The following SETBP1 variants were observed in gnomAD, a reference collection of about 807,000 sequenced individuals.
SETBP1 encodes the protein SET binding protein 1, also known as SET-binding protein.
SETBP1 carries 9 observed loss-of-function variants against 101.0 expected under a neutral mutation model. That is an observed-to-expected ratio of 0.09 (90% CI 0.05 to 0.16). The LOEUF (loss-of-function observed/expected upper bound fraction) is 0.16. Among genes scored for constraint, SETBP1 ranks in the 10% least tolerant of loss-of-function variants. SETBP1 has a pLI of 1.00. For synonymous variants in SETBP1, 818 were observed against 788.5 expected (o/e 1.04, Z -0.63); for missense variants, 1,858 against 2,033.8 (o/e 0.91, Z 1.66).
chr18:45,028,949 C>G lies in SETBP1; in HGVS notation c.4001-9536C>G, dbSNP rs1221404966. Among the ~76,000 whole-genome samples, 4 of 152,092 alleles carry G rather than the reference C, an allele frequency of 2.6e-5. No individual in the cohort carries two copies. The South Asian group carries it at 8.3e-4, about 32-fold the overall frequency. ...TGAGTAAGTTGCGAAAATTTTCTCC[C>G]ATTTTGTAGGTTGCCTGTTCACTCT... is the stretch of plus-strand genomic sequence containing the variant. On this transcript the variant is annotated intron_variant, in intron 4 of 5. Transcript: ENST00000649279.
At chr18:44,718,592 C>G (rs1568107222) in intron 2 of SETBP1, among the ~76,000 whole-genome samples, 1 of 152,202 alleles carries the variant, frequency 6.6e-6, no homozygotes, top group East Asian at 1.9e-4. Context: ...CATTTATTCA[C>G]TCATTCAACC....
chr18:44,983,051 A>G (rs1429910427), intron 4 of SETBP1, among the ~76,000 whole-genome samples: 1 of 152,044 alleles, frequency 6.6e-6, no homozygotes, highest in African/African-American at 2.4e-5. Context: ...TTTCCTGTGG[A>G]CCCTCAACCT....
chr18:44,741,386 C>A (rs2070093616), intron 2 of SETBP1, among the ~76,000 whole-genome samples: 1 of 152,140 alleles, frequency 6.6e-6, no homozygotes, highest in Non-Finnish European at 1.5e-5. Context: ...TAACTATTTC[C>A]TATCTCTTCC....
intron 3 of SETBP1, among the ~76,000 whole-genome samples, chr18:44,944,300 C>T (rs905240613): frequency 6.6e-6 from 1 of 152,154 alleles, no homozygotes; most frequent in African/African-American, 2.4e-5. Context: ...TATATCCTAA[C>T]AGGCCTATGG....
intron 2 of SETBP1, among the ~76,000 whole-genome samples, chr18:44,829,315 T>C (rs1266320312): frequency 6.6e-6 from 1 of 152,228 alleles, no homozygotes; most frequent in Non-Finnish European, 1.5e-5. Flanking sequence ...CCTATTGCAT[T>C]GACGCCTGTG....
chr18:44,731,095 C>T (rs1359241708), intron 2 of SETBP1, among the ~76,000 whole-genome samples: 1 of 152,084 alleles, frequency 6.6e-6, no homozygotes, highest in African/African-American at 2.4e-5. Context: ...GCTGGGGCTG[C>T]CTGGGTTCCA....
chr18:44,968,241 C>T (rs897636173), intron 4 of SETBP1, among the ~76,000 whole-genome samples: 1 of 152,086 alleles, frequency 6.6e-6, no homozygotes, highest in Non-Finnish European at 1.5e-5. Context: ...TGCACTTATT[C>T]ATTCATCATA....
chr18:45,048,021 A>G (rs887392682), intron 5 of SETBP1, among the ~76,000 whole-genome samples: 5 of 152,216 alleles, frequency 3.3e-5, no homozygotes, highest in Non-Finnish European at 7.4e-5. Flanking sequence ...TTTGCCAAAC[A>G]CTTCATGTTG....
intron 2 of SETBP1, among the ~76,000 whole-genome samples, chr18:44,855,916 C>G (rs2072967055): frequency 6.6e-6 from 1 of 152,180 alleles, no homozygotes; most frequent in African/African-American, 2.4e-5. Flanking sequence ...GGATCAGAGG[C>G]TGGCTACTGG....
intron 1 of SETBP1, among the ~76,000 whole-genome samples, chr18:44,691,764 G>C (rs974802973): frequency 6.6e-6 from 1 of 152,182 alleles, no homozygotes; most frequent in Non-Finnish European, 1.5e-5. Flanking sequence ...GAAGGTACCA[G>C]CCCTGGCTTT....
chr18:44,951,319 A>C lies in SETBP1; in HGVS notation c.1979A>C (p.Lys660Thr). The change falls in exon 4 of 6, where the codon AAG (lysine) becomes ACG (threonine). Residue 660 changes from lysine (K) to threonine (T), a missense_variant. By Grantham distance (78) the Lys-to-Thr change is moderately conservative (BLOSUM62 -1). Transcript: ENST00000649279. The surrounding 1 kb of genome is among the most constrained non-coding windows in gnomAD (Gnocchi z 7.8). The part of the protein sequence containing the change: ...KKVGKLGVLD[K>T]KTIKTINKMK... ...GTTGGAAAGCTCGGCGTGTTGGATA[A>C]GAAGACCATCAAAACTATCAATAAG... The C allele has an allele frequency of 6.2e-7, 1 of 1,613,626 alleles. No individual in the cohort carries two copies. Among genetic ancestry groups the C allele is most frequent in the Non-Finnish European group, 8.5e-7 (1 of 1,179,968 alleles).
intron 2 of SETBP1, among the ~76,000 whole-genome samples, chr18:44,832,680 G>A (rs996804057): frequency 6.6e-6 from 1 of 152,166 alleles, no homozygotes; most frequent in Non-Finnish European, 1.5e-5. Flanking sequence ...CCCCTCTGAG[G>A]CAGGGCTGAT....
At chr18:45,002,968 G>T (rs2072647984) in intron 4 of SETBP1, among the ~76,000 whole-genome samples, 1 of 152,038 alleles carries the variant, frequency 6.6e-6, no homozygotes, top group African/African-American at 2.4e-5. Flanking sequence ...TGAGCACCTT[G>T]GTATATGTGA....
intron 3 of SETBP1, among the ~76,000 whole-genome samples, chr18:44,928,647 T>C (rs1313819758): frequency 1.3e-5 from 2 of 152,252 alleles, no homozygotes; most frequent in Admixed American, 6.5e-5. Flanking sequence ...TGGTATCTCA[T>C]TGTGGTTTTG....
chr18:44,889,139 AT>A (rs1368782314), intron 3 of SETBP1, among the ~76,000 whole-genome samples: 1 of 152,064 alleles, frequency 6.6e-6, no homozygotes, highest in Non-Finnish European at 1.5e-5. Context: ...TTTCTTCAGC[AT>A]TTCAAAACAG....
intron 2 of SETBP1, among the ~76,000 whole-genome samples, chr18:44,769,196 G>A (rs1001267257): frequency 6.6e-6 from 1 of 152,168 alleles, no homozygotes; most frequent in Admixed American, 6.5e-5. Flanking sequence ...ACTTTCCATG[G>A]GAATCTGGGT....
chr18:44,957,408 T>C (rs2071511045), intron 4 of SETBP1, among the ~76,000 whole-genome samples: 1 of 151,918 alleles, frequency 6.6e-6, no homozygotes, highest in Admixed American at 6.6e-5. Flanking sequence ...GAAGAGTGAA[T>C]CTACATGTGT....
At chr18:44,696,852 G>C (rs1288507466) in intron 1 of SETBP1, among the ~76,000 whole-genome samples, 1 of 152,132 alleles carries the variant, frequency 6.6e-6, no homozygotes, top group Non-Finnish European at 1.5e-5. Flanking sequence ...ACAAAGTTTT[G>C]GACTCCTATC....
At chr18:44,766,312 T>A (rs956499431) in intron 2 of SETBP1, among the ~76,000 whole-genome samples, 37 of 152,332 alleles carry the variant, frequency 2.4e-4, no homozygotes, top group African/African-American at 8.9e-4. Flanking sequence ...CTTCTTGTAG[T>A]CTTGATTTTT....
Sources: allele counts gnomAD v4.1 joint callset (sites outside exome capture counted in the v4.1 genomes callset), GRCh38; gene constraint gnomAD v4.1.1; non-coding constraint Gnocchi (gnomAD v3.1); transcripts MANE v1.5; gene names NCBI Gene and HGNC (gene_info 2026-07-23, HGNC 2026-07-21).